ARHGEF3: variants seen among roughly 807,000 people sequenced by gnomAD.
ARHGEF3 encodes Rho guanine nucleotide exchange factor 3, also known as 59.8 kDA protein.
In ARHGEF3, 28 loss-of-function variants were observed where a neutral mutation model predicts 63.2. That is an observed-to-expected ratio of 0.44 (90% confidence interval 0.33 to 0.61). ARHGEF3 has a LOEUF of 0.61. Ranked by LOEUF, ARHGEF3 falls within the 20% of genes least tolerant of loss-of-function variation. The pLI, the probability that ARHGEF3 is intolerant of heterozygous loss-of-function variation, is 0.03. For synonymous variants in ARHGEF3, 266 were observed against 254.2 expected (o/e 1.05, Z -0.44); for missense variants, 533 against 659.3 (o/e 0.81, Z 2.10).
At chr3:56,813,062 T>C (rs763154596) in intron 4 of ARHGEF3, among the ~76,000 whole-genome samples, 1 of 152,226 alleles carries the variant, frequency 6.6e-6, no homozygotes, top group Non-Finnish European at 1.5e-5. Flanking sequence ...AATGGGTAGG[T>C]ACAAGGATTG....
At chr3:56,934,084 C>T (rs541966817) in intron 3 of ARHGEF3, among the ~76,000 whole-genome samples, 1 of 152,176 alleles carries the variant, frequency 6.6e-6, no homozygotes, top group Non-Finnish European at 1.5e-5. Flanking sequence ...TCAGTTAAAC[C>T]TCTTTTCTTT....
At chr3:56,968,224 ATATATATATAAAT>A (rs1700720969) in intron 2 of ARHGEF3, among the ~76,000 whole-genome samples, 4 of 15,810 alleles carry the variant, frequency 2.5e-4, no homozygotes, top group South Asian at 1.7e-3. Context: ...ATTATATATA[ATATATATATAAAT>A]ATATATATTA....
intron 1 of ARHGEF3, among the ~76,000 whole-genome samples, chr3:57,056,116 G>A (rs1027472064): frequency 1.2e-4 from 19 of 152,034 alleles, no homozygotes; most frequent in African/African-American, 3.9e-4. Flanking sequence ...GGCCGGGTGC[G>A]GTGGCTCACA....
intron 1 of ARHGEF3, among the ~76,000 whole-genome samples, chr3:57,056,582 A>C (rs1704947829): frequency 1.3e-5 from 2 of 152,116 alleles, no homozygotes; most frequent in South Asian, 4.1e-4. Flanking sequence ...TGGAACATCC[A>C]TGAGACCAGG....
At chr3:56,757,808 C>T (rs1178836158) in intron 2 of ARHGEF3, among the ~76,000 whole-genome samples, 7 of 151,554 alleles carry the variant, frequency 4.6e-5, no homozygotes, top group East Asian at 4.1e-4. Context: ...CTGCAAGCTC[C>T]GCCTCCCGGG....
intron 4 of ARHGEF3, among the ~76,000 whole-genome samples, chr3:56,866,492 C>A (rs1405514008): frequency 6.6e-6 from 1 of 152,194 alleles, no homozygotes; most frequent in Non-Finnish European, 1.5e-5. Flanking sequence ...CAGGGAGAAC[C>A]TGGCACATTC....
At chr3:57,007,803 A>T (rs1321490254) in intron 2 of ARHGEF3, among the ~76,000 whole-genome samples, 1 of 152,238 alleles carries the variant, frequency 6.6e-6, no homozygotes, top group Non-Finnish European at 1.5e-5. Flanking sequence ...TTACGAGCAG[A>T]GTGAGCAAGC....
intron 4 of ARHGEF3, among the ~76,000 whole-genome samples, chr3:56,861,028 G>A (rs1252941856): frequency 6.6e-6 from 1 of 152,206 alleles, no homozygotes; most frequent in African/African-American, 2.4e-5. Flanking sequence ...GCAGGGAAAG[G>A]AGAGGAGATT....
At chr3:56,921,401 A>G (rs903499089) in intron 3 of ARHGEF3, among the ~76,000 whole-genome samples, 9 of 152,230 alleles carry the variant, frequency 5.9e-5, no homozygotes, top group African/African-American at 9.6e-5. Context: ...CAAAAATTCA[A>G]AAACAAATTC....
At chr3:56,926,860 A>AC (rs71294720) in intron 3 of ARHGEF3, among the ~76,000 whole-genome samples, 30,984 of 152,154 alleles carry the variant, frequency 0.2, 3,612 homozygotes, top group Middle Eastern at 0.37. Flanking sequence ...TTGGATGAAT[A>AC]CCCCGGGAGG....
chr3:56,846,707 C>T (rs891666668), intron 4 of ARHGEF3, among the ~76,000 whole-genome samples: 2 of 152,022 alleles, frequency 1.3e-5, no homozygotes, highest in Non-Finnish European at 2.9e-5. Flanking sequence ...CAACTTTTTT[C>T]CCATATAATT....
At chr3:56,989,622 C>T (rs1044043330) in intron 2 of ARHGEF3, among the ~76,000 whole-genome samples, 3 of 152,198 alleles carry the variant, frequency 2.0e-5, no homozygotes, top group Admixed American at 6.5e-5. Flanking sequence ...GACACACGCC[C>T]AGACTCAAGC....
chr3:56,930,821 G>A (rs2042391915), intron 3 of ARHGEF3, among the ~76,000 whole-genome samples: 1 of 152,174 alleles, frequency 6.6e-6, no homozygotes. Flanking sequence ...ACGCTCCATG[G>A]AGGGCATTTG....
chr3:56,820,110 T>C (rs2038423663), intron 4 of ARHGEF3, among the ~76,000 whole-genome samples: 1 of 152,218 alleles, frequency 6.6e-6, no homozygotes, highest in Non-Finnish European at 1.5e-5. Context: ...GCACTCAGCC[T>C]AAGCTAATGT....
chr3:57,028,443 CA>C (rs1703568492), intron 2 of ARHGEF3, among the ~76,000 whole-genome samples: 1 of 98,412 alleles, frequency 1.0e-5, no homozygotes, highest in Non-Finnish European at 2.0e-5. Flanking sequence ...ATCGCAAGAA[CA>C]AAAAACCAAA....
intron 1 of ARHGEF3, among the ~76,000 whole-genome samples, chr3:57,071,903 G>T (rs1444196764): frequency 6.6e-6 from 1 of 151,986 alleles, no homozygotes; most frequent in Non-Finnish European, 1.5e-5. Flanking sequence ...AATATATAAA[G>T]AACACTTACA....
chr3:56,780,789 C>T (rs983882157), intron 1 of ARHGEF3, among the ~76,000 whole-genome samples: 1 of 152,224 alleles, frequency 6.6e-6, no homozygotes, highest in Admixed American at 6.5e-5. Context: ...AGAAAAAACA[C>T]AAAGATGTAT....
chr3:57,049,734 G>A (rs1704596251), intron 1 of ARHGEF3, among the ~76,000 whole-genome samples: 1 of 152,194 alleles, frequency 6.6e-6, no homozygotes, highest in Admixed American at 6.5e-5. Context: ...TGGCTGGGAA[G>A]GCAATTCCAA....
At chr3:56,827,687 A>G (rs1284685027) in intron 4 of ARHGEF3, among the ~76,000 whole-genome samples, 1 of 141,406 alleles carries the variant, frequency 7.1e-6, no homozygotes, top group Non-Finnish European at 1.5e-5. Flanking sequence ...GGCCAAGGTG[A>G]GCAAATTACT....
Sources: gnomAD v4.1 joint callset for allele counts (sites outside exome capture counted in the v4.1 genomes callset) on GRCh38, gnomAD v4.1.1 for gene constraint, MANE v1.5 for transcripts, NCBI Gene and HGNC (gene_info 2026-07-23, HGNC 2026-07-21) for gene names.